The following ILRUN variants were observed in gnomAD, a reference collection of about 807,000 sequenced individuals.
ILRUN encodes the protein protein ILRUN.
A neutral mutation model predicts 33.8 loss-of-function variants in ILRUN; 3 were observed. That is an observed-to-expected ratio of 0.09 (90% CI 0.04 to 0.23). The LOEUF (loss-of-function observed/expected upper bound fraction) is 0.23, where lower values mean the gene tolerates loss of function less well. ILRUN is among the 10% of genes least tolerant of loss of function. The pLI, the probability that ILRUN is intolerant of heterozygous loss-of-function variation, is 1.00. For synonymous variants in ILRUN, 124 were observed against 138.9 expected, an observed-to-expected ratio of 0.89 and a Z score of 0.75; for missense variants, 210 against 375.1, an observed-to-expected ratio of 0.56 and a Z score of 3.64.
chr6:34,630,750 A>G (rs1286077999), intron 3 of ILRUN, among the ~76,000 whole-genome samples: 1 of 152,152 alleles, frequency 6.6e-6, no homozygotes, highest in Admixed American at 6.5e-5. Flanking sequence ...CCTGGGCTCA[A>G]GGAATGTTCC....
At position 34,612,799 on chromosome 6, in the gene ILRUN, T is replaced by C. The variant is rs373448199; in HGVS notation, c.512-5895A>G. On this transcript the variant is annotated intron_variant, in intron 3 of 4. Coordinates refer to ENST00000374023, the MANE Select transcript of ILRUN (RefSeq NM_024294.4). ...GGCTCACGCCTGCAATCCCAGCATT[T>C]TGGGAGGCCAAGGCGGGCGGATCAT... Among the ~76,000 whole-genome samples, 98 of 152,168 alleles carry C rather than the reference T, an allele frequency of 6.4e-4. 3 individuals carry two copies. In the South Asian group the frequency reaches 0.013, roughly 20 times the overall value.
At chr6:34,630,391 T>C (rs1382497470) in intron 3 of ILRUN, among the ~76,000 whole-genome samples, 1 of 152,182 alleles carries the variant, frequency 6.6e-6, no homozygotes. Flanking sequence ...GGGCTTCTTT[T>C]GTTTTGTTTT....
At chr6:34,598,409 C>T (rs1761445177) in intron 4 of ILRUN, among the ~76,000 whole-genome samples, 1 of 152,202 alleles carries the variant, frequency 6.6e-6, no homozygotes, top group Non-Finnish European at 1.5e-5. Context: ...AGCATCTATA[C>T]CAGGAGCCAT....
In ILRUN at chr6:34,662,838, A is replaced by G. The variant is rs1321815847; in HGVS notation, c.159-8059T>C. 5.3e-5 allele frequency among the ~76,000 whole-genome samples: 8 copies of G among 152,196 alleles called. No individual in the cohort carries two copies. The East Asian group carries it at 1.5e-3, about 29-fold the overall frequency. Reference sequence around the variant, plus strand: ...ACACCTGTAATCCCAGCACTTTGGGAGGCCAAGGCAGGAGGACTGCTTGAG... The same window carrying G: ...ACACCTGTAATCCCAGCACTTTGGGGGGCCAAGGCAGGAGGACTGCTTGAG... On this transcript the variant is annotated intron_variant, in intron 1 of 4. Transcript: ENST00000374023.
Position 34,655,700 on chromosome 6 carries a change from A to G in ILRUN, c.159-921T>C, listed in dbSNP as rs144093154. ...TGCAAGTGTATACAATCTGTGAGATAAATTCCTATTAAGTGATACTGCTGT... is the reference window on the plus strand; with the variant it reads ...TGCAAGTGTATACAATCTGTGAGATGAATTCCTATTAAGTGATACTGCTGT... On this transcript the variant is annotated intron_variant, in intron 1 of 4. Coordinates refer to ENST00000374023, the MANE Select transcript of ILRUN (RefSeq NM_024294.4). Among the ~76,000 whole-genome samples, 30 of 152,318 alleles carry G rather than the reference A, an allele frequency of 2.0e-4. No homozygotes were observed. The East Asian group carries it at 5.6e-3, about 28-fold the overall frequency.
At chr6:34,636,865 CACA>C (rs764245803) in intron 3 of ILRUN, among the ~76,000 whole-genome samples, 1 of 152,154 alleles carries the variant, frequency 6.6e-6, no homozygotes, top group Non-Finnish European at 1.5e-5. Flanking sequence ...ACTCCCATCA[CACA>C]ACAATTCAGT....
chr6:34,595,833 G>T (rs1445731536), intron 4 of ILRUN: 2 of 985,266 alleles, frequency 2.0e-6, no homozygotes, highest in Non-Finnish European at 2.4e-6. Context: ...CTCTCTTGGT[G>T]TATACTGATG....
intron 1 of ILRUN, among the ~76,000 whole-genome samples, chr6:34,667,354 A>G (rs943006012): frequency 1.3e-5 from 2 of 152,364 alleles, no homozygotes; most frequent in African/African-American, 4.8e-5. Flanking sequence ...TTTATTCACC[A>G]TGAATTCCTT....
At chr6:34,627,444 G>A (rs147095118) in intron 3 of ILRUN, among the ~76,000 whole-genome samples, 272 of 152,270 alleles carry the variant, frequency 1.8e-3, no homozygotes, top group African/African-American at 6.0e-3. Flanking sequence ...CTGATGGGAG[G>A]GTAAGAGAAT....
At chr6:34,650,212 G>A (rs1355492248) in intron 2 of ILRUN, among the ~76,000 whole-genome samples, 1 of 152,092 alleles carries the variant, frequency 6.6e-6, no homozygotes, top group African/African-American at 2.4e-5. Flanking sequence ...CATATTTTTA[G>A]AGGGACAGTT....
At chr6:34,682,358 C>T (rs1035161243) in intron 1 of ILRUN, among the ~76,000 whole-genome samples, 9 of 150,648 alleles carry the variant, frequency 6.0e-5, no homozygotes, top group Non-Finnish European at 8.9e-5. Context: ...CCCGGGTTCA[C>T]GCCATTCTCC....
intron 1 of ILRUN, among the ~76,000 whole-genome samples, chr6:34,664,928 T>C (rs574783466): frequency 3.5e-4 from 53 of 152,264 alleles, no homozygotes; most frequent in African/African-American, 1.1e-3. Flanking sequence ...CTCATCCTGG[T>C]CAGAGAGCTG....
chr6:34,606,394 A>G (rs1293800357), intron 4 of ILRUN, among the ~76,000 whole-genome samples, 161 bp downstream of exon 4: 1 of 152,102 alleles, frequency 6.6e-6, no homozygotes, highest in African/African-American at 2.4e-5. Flanking sequence ...GAAACGGGAG[A>G]AGGGGTAAGC....
At chr6:34,607,108 T>C (rs1308991469) in intron 3 of ILRUN, among the ~76,000 whole-genome samples, 1 of 152,228 alleles carries the variant, frequency 6.6e-6, no homozygotes. Context: ...ATTCAAATTC[T>C]AGTATAAATT....
At chr6:34,633,071 T>C (rs1332827273) in intron 3 of ILRUN, among the ~76,000 whole-genome samples, 8 of 152,118 alleles carry the variant, frequency 5.3e-5, no homozygotes, top group Admixed American at 3.9e-4. Context: ...AAATGATACA[T>C]GCAGGTTGAA....
intron 3 of ILRUN, among the ~76,000 whole-genome samples, chr6:34,618,423 A>C (rs1179147345): frequency 6.6e-6 from 1 of 152,110 alleles, no homozygotes; most frequent in Non-Finnish European, 1.5e-5. Flanking sequence ...TCAACACCTA[A>C]ACCCTAATTA....
intron 3 of ILRUN, among the ~76,000 whole-genome samples, chr6:34,612,922 A>G (rs1327199984): frequency 6.6e-6 from 1 of 152,204 alleles, no homozygotes; most frequent in Non-Finnish European, 1.5e-5. Flanking sequence ...GGGCACCTGT[A>G]GTCCCAGCTA....
Position 34,644,229 on chromosome 6 carries a change from A to AT in ILRUN, c.511+2371dup, listed in dbSNP as rs578014660. Among the ~76,000 whole-genome samples, 309 of 151,650 alleles carry AT rather than the reference A, an allele frequency of 2.0e-3. 1 individual carries two copies. Among genetic ancestry groups the AT allele is most frequent in the African/African-American group, 7.0e-3 (289 of 41,366 alleles). On this transcript the variant is annotated intron_variant, in intron 3 of 4. Coordinates refer to ENST00000374023, the MANE Select transcript of ILRUN (RefSeq NM_024294.4). Reference sequence around the variant, plus strand: ...GAAGTAGTATTTTTTCATCAAAGGGATTTTTTTTTATTTTTAAGTCATGTA... The same window carrying AT: ...GAAGTAGTATTTTTTCATCAAAGGGATTTTTTTTTTATTTTTAAGTCATGTA...
chr6:34,658,609 C>T (rs1245975591), intron 1 of ILRUN, among the ~76,000 whole-genome samples: 1 of 151,168 alleles, frequency 6.6e-6, no homozygotes, highest in African/African-American at 2.4e-5. Flanking sequence ...GAATTCGAGA[C>T]CAGCCTGGCC....
Sources: gnomAD v4.1 joint callset for allele counts (sites outside exome capture counted in the v4.1 genomes callset) on GRCh38, gnomAD v4.1.1 for gene constraint, MANE v1.5 for transcripts, NCBI Gene and HGNC (gene_info 2026-07-23, HGNC 2026-07-21) for gene names.